Variants in PKIB observed in about 807,000 individuals in gnomAD.
The protein encoded by PKIB is PKI-beta.
A neutral mutation model predicts 4.5 loss-of-function variants in PKIB; 2 were observed. The ratio of observed to expected loss-of-function variants is 0.44; its 90% CI spans 0.18 to 1.39. PKIB has a LOEUF of 1.39. PKIB is among the 40% of genes most tolerant of loss of function. The pLI is 0.27. For synonymous variants in PKIB, 38 were observed against 36.0 expected, an observed-to-expected ratio of 1.06 and a Z score of -0.20; for missense variants, 94 against 92.6, an observed-to-expected ratio of 1.02 and a Z score of -0.06.
intron 3 of PKIB, among the ~76,000 whole-genome samples, chr6:122,707,144 A>G (rs966979916): frequency 6.6e-6 from 1 of 152,070 alleles, no homozygotes; most frequent in Non-Finnish European, 1.5e-5. Context: ...TTTGATGAAA[A>G]AATATTTCAA....
intron 3 of PKIB, among the ~76,000 whole-genome samples, chr6:122,684,860 A>G (rs1204812338): frequency 1.3e-5 from 2 of 152,134 alleles, no homozygotes; most frequent in Admixed American, 1.3e-4. Flanking sequence ...CTTTGCATCA[A>G]TTCTCTTAAG....
intron 2 of PKIB, among the ~76,000 whole-genome samples, chr6:122,642,391 G>T (rs542396238): frequency 6.6e-6 from 1 of 152,316 alleles, no homozygotes; most frequent in East Asian, 1.9e-4. Context: ...TTATTCTGCT[G>T]CTTATGTTTA....
chr6:122,589,009 GGTT>G (rs1773936157), intron 3 of PKIB, among the ~76,000 whole-genome samples: 1 of 152,096 alleles, frequency 6.6e-6, no homozygotes, highest in Admixed American at 6.6e-5. Context: ...GGATTGAAGA[GGTT>G]GTTATTTTAG....
chr6:122,580,625 A>G (rs77324202), intron 2 of PKIB, among the ~76,000 whole-genome samples: 1,986 of 152,160 alleles, frequency 0.013, 45 homozygotes, highest in African/African-American at 0.046. Flanking sequence ...GGCTGCTGAA[A>G]CTTGGGGACT....
intron 2 of PKIB, among the ~76,000 whole-genome samples, chr6:122,646,988 T>G (rs1776345698): frequency 6.6e-6 from 1 of 152,108 alleles, no homozygotes; most frequent in Non-Finnish European, 1.5e-5. Context: ...TATTTTCCAC[T>G]TTTACATGCC....
In PKIB at chr6:122,493,461, C is replaced by T. The variant is rs184907460; in HGVS notation, c.-248+15522C>T. 556 of 152,204 alleles carry T rather than the reference C, an allele frequency of 3.7e-3. 4 individuals carry two copies. Among genetic ancestry groups the T allele is most frequent in the African/African-American group, 0.012 (513 of 41,526 alleles). 9.4% of individuals were successfully genotyped at this position (152,204 alleles called of 1,614,324 possible). ...ATTTATGATATGTTGTTATAACAGC[C>T]CAAACATATATGATGTATTGAAATC... is the stretch of plus-strand genomic sequence containing the variant. On this transcript the variant is annotated intron_variant, in intron 2 of 6. Transcript: ENST00000392491.
chr6:122,630,742 C>T (rs1775661728), intron 1 of PKIB, among the ~76,000 whole-genome samples: 3 of 152,100 alleles, frequency 2.0e-5, no homozygotes, highest in South Asian at 4.1e-4. Context: ...CTGATAAAAT[C>T]GGTACTGCAC....
intron 3 of PKIB, among the ~76,000 whole-genome samples, chr6:122,716,987 A>G (rs1393404326): frequency 6.6e-6 from 1 of 152,132 alleles, no homozygotes. Flanking sequence ...TGCTTTCGAG[A>G]TGCTATTCAG....
intron 2 of PKIB, among the ~76,000 whole-genome samples, chr6:122,553,478 C>CTTTT (rs1562249215): frequency 4.1e-5 from 2 of 48,920 alleles, no homozygotes; most frequent in Non-Finnish European, 3.5e-5. Context: ...GCTCAAATAT[C>CTTTT]TTCTTTTTTT....
chr6:122,569,765 T>C (rs1210562104), intron 2 of PKIB, among the ~76,000 whole-genome samples: 1 of 152,116 alleles, frequency 6.6e-6, no homozygotes, highest in Admixed American at 6.5e-5. Context: ...GAATTCCCAT[T>C]CTTAGGGGAA....
At chr6:122,594,973 G>A (rs187393382) in intron 3 of PKIB, among the ~76,000 whole-genome samples, 83 of 152,322 alleles carry the variant, frequency 5.4e-4, no homozygotes, top group African/African-American at 1.8e-3. Context: ...GGACCCCAAA[G>A]TGTCCAGGTG....
At chr6:122,712,025 G>A (rs560077355) in intron 3 of PKIB, among the ~76,000 whole-genome samples, 1 of 152,116 alleles carries the variant, frequency 6.6e-6, no homozygotes, top group East Asian at 1.9e-4. Context: ...TTCAAAGACA[G>A]GAAAGTTTCT....
At chr6:122,494,769 C>T (rs111293854) in intron 2 of PKIB, among the ~76,000 whole-genome samples, 26 of 152,270 alleles carry the variant, frequency 1.7e-4, no homozygotes, top group Admixed American at 1.3e-3. Flanking sequence ...GCCAGGCAGC[C>T]TCCTACTCAG....
chr6:122,561,019 T>C, intron 2 of PKIB, among the ~76,000 whole-genome samples: 1 of 152,116 alleles, frequency 6.6e-6, no homozygotes. Context: ...TCTTTTTTAT[T>C]TTTATTTTTT....
intron 2 of PKIB, among the ~76,000 whole-genome samples, chr6:122,540,720 A>G (rs979643970): frequency 2.0e-5 from 3 of 152,018 alleles, no homozygotes; most frequent in African/African-American, 7.3e-5. Flanking sequence ...AGCTGAGTTC[A>G]ATTCCTGGGT....
intron 3 of PKIB, among the ~76,000 whole-genome samples, chr6:122,603,865 A>G (rs553345890): frequency 1.3e-5 from 2 of 152,336 alleles, no homozygotes; most frequent in South Asian, 4.1e-4. Context: ...TCACGAAAAT[A>G]TCTTTGGTAA....
At chr6:122,621,907 G>T (rs1775245371) in intron 1 of PKIB, among the ~76,000 whole-genome samples, 1 of 152,018 alleles carries the variant, frequency 6.6e-6, no homozygotes, top group South Asian at 2.1e-4. Context: ...TATGGGGAGG[G>T]CTGGACTCAA....
rs1352075716 is a variant in PKIB at position 122,512,418 on chromosome 6, A to G, written c.-248+34479A>G. ...TATACAGACCAAATCTGGTCTACAG[A>G]TAGTGTATTATAATAGTAATTATTA... On this transcript the variant is annotated intron_variant, in intron 2 of 6. Coordinates refer to the PKIB transcript ENST00000392491. Among the ~76,000 whole-genome samples the G allele has an allele frequency of 2.0e-5, 3 of 152,238 alleles. 1 individual carries two copies. In the East Asian group the frequency reaches 5.8e-4, roughly 29 times the overall value.
intron 2 of PKIB, among the ~76,000 whole-genome samples, chr6:122,544,151 T>C (rs1489286210): frequency 6.6e-6 from 1 of 151,764 alleles, no homozygotes; most frequent in African/African-American, 2.4e-5. Context: ...CGCTTTAAAA[T>C]ACAAAGAAAA....
Sources: allele counts gnomAD v4.1 joint callset (sites outside exome capture counted in the v4.1 genomes callset), GRCh38; gene constraint gnomAD v4.1.1; transcripts MANE v1.5; gene names NCBI Gene and HGNC (gene_info 2026-07-23, HGNC 2026-07-21).